The following CTNND2 variants were observed in gnomAD, a reference collection of about 807,000 sequenced individuals.
CTNND2 encodes the protein catenin delta 2, also known as catenin delta-2.
Under a neutral mutation model 144.4 loss-of-function variants are expected in CTNND2, and 22 were observed. The ratio of observed to expected loss-of-function variants is 0.15; its 90% confidence interval spans 0.11 to 0.22. The LOEUF (loss-of-function observed/expected upper bound fraction) is 0.22. CTNND2 is among the 10% of genes least tolerant of loss of function. The pLI is 1.00. For synonymous variants in CTNND2, 751 were observed against 695.6 expected, an observed-to-expected ratio of 1.08 and a Z score of -1.25; for missense variants, 1,353 against 1,618.8, an observed-to-expected ratio of 0.84 and a Z score of 2.82.
intron 1 of CTNND2, among the ~76,000 whole-genome samples, chr5:11,753,612 G>A (rs1425312849): frequency 6.6e-6 from 1 of 151,744 alleles, no homozygotes; most frequent in Non-Finnish European, 1.5e-5. Flanking sequence ...TGTTCATCAA[G>A]GATATTGGCC....
chr5:11,197,661 G>A (rs553807184), intron 11 of CTNND2, among the ~76,000 whole-genome samples: 9 of 152,318 alleles, frequency 5.9e-5, no homozygotes, highest in Admixed American at 3.3e-4. Flanking sequence ...AGAAGCTGTT[G>A]GAAGCAATGT....
In CTNND2 at chr5:11,285,544, T is replaced by G. The variant is rs140958959; in HGVS notation, c.1629-48721A>C. Among the ~76,000 whole-genome samples, 9 of 152,270 alleles carry G rather than the reference T, an allele frequency of 5.9e-5. No homozygotes were observed. In the East Asian group the frequency reaches 1.5e-3, roughly 26 times the overall value. On this transcript the variant is annotated intron_variant, in intron 9 of 21. Coordinates refer to ENST00000304623, the MANE Select transcript of CTNND2 (RefSeq NM_001332.4). ...GGTGCTGATCAATATCTACTACCCC[T>G]TAAATTTGGAGACCCAAAAGCCAGA...
rs1468854353 is a variant in CTNND2, at chr5:11,199,516, C to T, written c.1907G>A (p.Gly636Asp). 6.2e-7 allele frequency: 1 copy of T among 1,614,216 alleles called. No homozygotes were observed. The highest frequency in any genetic ancestry group is 8.5e-7 in the Non-Finnish European group (1 of 1,180,036). ...DDNKIALKNC[G>D]GIPALVRLLR... ...TAACCTCACCAGTGCTGGGATGCCACCACAGTTTTTCAGGGCAATTTTGTT... is the reference window on the plus strand; with the variant it reads ...TAACCTCACCAGTGCTGGGATGCCATCACAGTTTTTCAGGGCAATTTTGTT... Residue 636 changes from glycine (G) to aspartate (D), a missense_variant, in exon 11 of 22, where the codon GGT (glycine) becomes GAT (aspartate). By Grantham distance (94) the Gly-to-Asp change is moderately conservative (BLOSUM62 -1). Coordinates refer to ENST00000304623, the MANE Select transcript of CTNND2 (RefSeq NM_001332.4).
At chr5:11,011,263 G>C (rs1480056247) in intron 18 of CTNND2, among the ~76,000 whole-genome samples, 1 of 152,072 alleles carries the variant, frequency 6.6e-6, no homozygotes. Context: ...ACCCAGGCTG[G>C]AGTGCAGTGG....
chr5:11,675,551 CTT>C (rs1323730148), intron 2 of CTNND2, among the ~76,000 whole-genome samples: 1 of 152,088 alleles, frequency 6.6e-6, no homozygotes, highest in Non-Finnish European at 1.5e-5. Context: ...ATTTTTAACT[CTT>C]TTTAAATTTT....
chr5:11,301,710 A>G (rs1357536064), intron 9 of CTNND2, among the ~76,000 whole-genome samples: 3 of 152,204 alleles, frequency 2.0e-5, no homozygotes, highest in African/African-American at 7.2e-5. Flanking sequence ...GGGTGAAAAC[A>G]TATTTTGTGT....
intron 2 of CTNND2, among the ~76,000 whole-genome samples, chr5:11,584,894 C>A (rs1161201692): frequency 6.6e-6 from 1 of 152,124 alleles, no homozygotes; most frequent in Admixed American, 6.6e-5. Flanking sequence ...TCATTTTTCT[C>A]ATGCTAATAG....
chr5:11,100,912 T>C (rs1459304945), intron 14 of CTNND2, among the ~76,000 whole-genome samples: 3 of 152,222 alleles, frequency 2.0e-5, no homozygotes, highest in Non-Finnish European at 4.4e-5. Context: ...CTAACTTCTG[T>C]GCAATAAAGC....
intron 11 of CTNND2, among the ~76,000 whole-genome samples, chr5:11,189,414 CT>C (rs1204536046): frequency 2.6e-5 from 4 of 152,160 alleles, no homozygotes; most frequent in Admixed American, 6.5e-5. Flanking sequence ...TCTGCCACCC[CT>C]GAGACAGCAA....
At chr5:11,231,438 G>A (rs1741004091) in intron 10 of CTNND2, among the ~76,000 whole-genome samples, 1 of 152,196 alleles carries the variant, frequency 6.6e-6, no homozygotes, top group Admixed American at 6.5e-5. Context: ...TAGTGATATG[G>A]ACAAGGAAGT....
At chr5:11,237,086 C>G (rs1741730349) in intron 9 of CTNND2, among the ~76,000 whole-genome samples, 1 of 149,442 alleles carries the variant, frequency 6.7e-6, no homozygotes, top group South Asian at 2.1e-4. Context: ...GTGGAGCGAT[C>G]TCAGCTCACT....
intron 2 of CTNND2, among the ~76,000 whole-genome samples, chr5:11,619,273 T>C (rs962405922): frequency 6.6e-6 from 1 of 152,154 alleles, no homozygotes. Context: ...CCAGGTGTGG[T>C]AGTGCATGCC....
At chr5:11,037,207 T>C (rs973598511) in intron 16 of CTNND2, among the ~76,000 whole-genome samples, 1 of 152,230 alleles carries the variant, frequency 6.6e-6, no homozygotes, top group African/African-American at 2.4e-5. Flanking sequence ...TGACTAATTA[T>C]TTATGAAACT....
intron 3 of CTNND2, among the ~76,000 whole-genome samples, chr5:11,415,135 T>C (rs1164140120): frequency 6.6e-6 from 1 of 152,242 alleles, no homozygotes; most frequent in Admixed American, 6.5e-5. Flanking sequence ...ATAGCAGTTC[T>C]GCTTTTAGCT....
At chr5:11,465,708 C>T (rs1263745692) in intron 3 of CTNND2, among the ~76,000 whole-genome samples, 1 of 152,174 alleles carries the variant, frequency 6.6e-6, no homozygotes. Flanking sequence ...ATCATGGTGA[C>T]TAAATAATCT....
intron 10 of CTNND2, among the ~76,000 whole-genome samples, chr5:11,229,009 C>T (rs1032290971): frequency 6.6e-6 from 1 of 152,084 alleles, no homozygotes; most frequent in African/African-American, 2.4e-5. Context: ...TTACCTTGGG[C>T]CTGTGTAAGT....
At chr5:11,818,841 ATGGTCAACTC>A (rs1339456518) in intron 1 of CTNND2, among the ~76,000 whole-genome samples, 1 of 152,180 alleles carries the variant, frequency 6.6e-6, no homozygotes, top group African/African-American at 2.4e-5. Context: ...TGTGAGTAAC[ATGGTCAACTC>A]TGGTTTTGGA....
chr5:11,690,851 G>A (rs1784877958), intron 2 of CTNND2, among the ~76,000 whole-genome samples: 1 of 147,926 alleles, frequency 6.8e-6, no homozygotes, highest in Non-Finnish European at 1.5e-5. Flanking sequence ...ATAAAATACT[G>A]CTGCATGCCC....
intron 16 of CTNND2, among the ~76,000 whole-genome samples, chr5:11,055,889 G>A (rs1310295215): frequency 6.6e-6 from 1 of 152,218 alleles, no homozygotes; most frequent in Non-Finnish European, 1.5e-5. Flanking sequence ...ACGGTGGGAT[G>A]TCTCTGTGTG....
Sources: gnomAD v4.1 joint callset for allele counts (sites outside exome capture counted in the v4.1 genomes callset) on GRCh38, gnomAD v4.1.1 for gene constraint, MANE v1.5 for transcripts, NCBI Gene and HGNC (gene_info 2026-07-23, HGNC 2026-07-21) for gene names.